The following AKAP11 variants were observed in gnomAD, a reference collection of about 807,000 sequenced individuals.
AKAP11 encodes A-kinase anchoring protein 11, also known as A-kinase anchor protein 11.
In AKAP11, 36 loss-of-function variants were observed where a neutral mutation model predicts 146.1. That is an observed-to-expected ratio of 0.25 (90% CI 0.19 to 0.33). The LOEUF is 0.33. Ranked by LOEUF, AKAP11 falls within the 10% of genes least tolerant of loss-of-function variation. The pLI is 1.00. For synonymous variants in AKAP11, 780 were observed against 786.5 expected (o/e 0.99, Z 0.14); for missense variants, 2,201 against 2,197.0 (o/e 1.00, Z -0.04).
Position 42,301,289 on chromosome 13 carries a change from A to G in AKAP11, c.2543A>G (p.Asn848Ser), listed in dbSNP as rs752699654. ...TCAGAACACAATCCAGGTAATCAGA[A>G]TGATTTTAAACCAACTAATGACGAT... ...LPSEHNPGNQ[N>S]DFKPTNDDIE... Residue 848 changes from asparagine (N) to serine (S), a missense_variant, in exon 8 of 13, where the codon AAT becomes AGT. By Grantham distance (46) the Asn-to-Ser change is conservative (BLOSUM62 1). This residue lies in a region of AKAP11 where 1,867 missense variants were observed against 1,833.5 expected (regional missense o/e 1.02). Transcript: ENST00000025301. 10 of 1,613,750 alleles carry G rather than the reference A, an allele frequency of 6.2e-6. No homozygotes were observed. The Admixed American group carries it at 1.5e-4, about 24-fold the overall frequency.
At chr13:42,305,950 ATC>A (rs1960231567) in intron 8 of AKAP11, among the ~76,000 whole-genome samples, 2 of 152,168 alleles carry the variant, frequency 1.3e-5, no homozygotes, top group Non-Finnish European at 2.9e-5. Flanking sequence ...TTTTAAAACC[ATC>A]AGCTCTCATG....
At chr13:42,293,765 C>T (rs978281711) in intron 4 of AKAP11, among the ~76,000 whole-genome samples, 3 of 152,136 alleles carry the variant, frequency 2.0e-5, no homozygotes, top group Non-Finnish European at 2.9e-5. Context: ...TCTTCAAAAC[C>T]CTATGCCAGC....
chr13:42,311,654 T>A (rs1960571001), intron 9 of AKAP11, among the ~76,000 whole-genome samples: 1 of 152,182 alleles, frequency 6.6e-6, no homozygotes, highest in Admixed American at 6.5e-5. Context: ...TGGAAGAATC[T>A]GTGTGATGGG....
At chr13:42,297,840 A>G (rs1959605049) in intron 6 of AKAP11, among the ~76,000 whole-genome samples, 1 of 151,988 alleles carries the variant, frequency 6.6e-6, no homozygotes, top group African/African-American at 2.4e-5. Flanking sequence ...GTCTGCCAAT[A>G]AAACTAGAAC....
chr13:42,281,873 GTGACC>G (rs1373400784), intron 1 of AKAP11, among the ~76,000 whole-genome samples: 1 of 152,014 alleles, frequency 6.6e-6, no homozygotes, highest in African/African-American at 2.4e-5. Flanking sequence ...ACTTGCATGG[GTGACC>G]ACTGGCATCA....
rs1483004419 is a variant in AKAP11, at chr13:42,303,125, C to G, written c.4379C>G (p.Ser1460Cys). The G allele has an allele frequency of 1.6e-5, 26 of 1,614,024 alleles. No individual in the cohort carries two copies. Among genetic ancestry groups the G allele is most frequent in the Non-Finnish European group, 2.2e-5 (26 of 1,180,042 alleles). The change falls in exon 8 of 13, where the codon TCT (serine) becomes TGT (cysteine). Residue 1460 changes from serine (S) to cysteine (C), a missense_variant. Around this residue, in one of 3 missense-constraint regions of AKAP11, gnomAD observed 1,867 missense variants for 1,833.5 expected, o/e 1.02. Coordinates refer to ENST00000025301, the MANE Select transcript of AKAP11 (RefSeq NM_016248.4). ...TCCCAACTGTATAGTTTTTCAACCTCTCTGGTTCACAGCATAACAAAAGAT... is the reference window on the plus strand; with the variant it reads ...TCCCAACTGTATAGTTTTTCAACCTGTCTGGTTCACAGCATAACAAAAGAT... Reference protein sequence around the residue: ...EVSQLYSFSTSLVHSITKDAK... With the variant: ...EVSQLYSFSTCLVHSITKDAK...
In AKAP11 at chr13:42,319,151, T is replaced by C. The variant is rs112792899; in HGVS notation, c.5629T>C (p.Tyr1877His). The change falls in exon 13 of 13, where the codon TAC (tyrosine) becomes CAC (histidine). Residue 1877 changes from tyrosine (Y) to histidine (H), a missense_variant. Physicochemically the swap from Tyr to His is moderately conservative, Grantham distance 83. Transcript: ENST00000025301. Reference protein sequence around the residue: ...VGDLLQAVLQYYEVMEKASSE... With the variant: ...VGDLLQAVLQHYEVMEKASSE... ...AGACCTCCTGCAGGCTGTGCTTCAA[T>C]ACTATGAAGTGATGGAAAAAGCTTC... The C allele has an allele frequency of 1.9e-6, 3 of 1,614,098 alleles. No individual in the cohort carries two copies. The highest frequency in any genetic ancestry group is 1.3e-5 in the African/African-American group (1 of 75,048).
In AKAP11 at chr13:42,302,497, G is replaced by A; in HGVS notation, c.3751G>A (p.Glu1251Lys). The A allele has an allele frequency of 5.6e-6, 9 of 1,614,086 alleles. No homozygotes were observed. Among genetic ancestry groups the A allele is most frequent in the East Asian group, 2.2e-5 (1 of 44,882 alleles). The part of the protein sequence containing the change: ...VSPTFLNPSD[E>K]NLKTLCNFAG... ...GCCTACTTTTTTAAACCCCTCAGAC[G>A]AAAATTTGAAAACATTATGCAATTT... Residue 1251 changes from glutamate to lysine, a missense_variant, in exon 8 of 13, where the codon GAA becomes AAA. Glu to Lys is a moderately conservative substitution (Grantham distance 56). Around this residue, in one of 3 missense-constraint regions of AKAP11, gnomAD observed 1,867 missense variants for 1,833.5 expected, o/e 1.02. Coordinates refer to ENST00000025301, the MANE Select transcript of AKAP11 (RefSeq NM_016248.4).
chr13:42,298,860 T>C (rs1281222684), intron 7 of AKAP11, 63 bp downstream of exon 7: 14 of 1,489,750 alleles, frequency 9.4e-6, no homozygotes, highest in African/African-American at 1.5e-5. Context: ...TTTGAAAATT[T>C]TAAGGCAGGC....
At chr13:42,318,536 C>T (rs888022816) in intron 12 of AKAP11, among the ~76,000 whole-genome samples, 1 of 152,112 alleles carries the variant, frequency 6.6e-6, no homozygotes, top group African/African-American at 2.4e-5. Context: ...TGAGTGGTGA[C>T]AACAGGATTT....
rs769245801 is a variant in AKAP11, at chr13:42,299,522, A to G, written c.776A>G (p.Lys259Arg). The G allele has an allele frequency of 1.9e-6, 3 of 1,613,890 alleles. No homozygotes were observed. The highest frequency in any genetic ancestry group is 2.7e-5 in the African/African-American group (2 of 74,902). Residue 259 changes from lysine (K) to arginine (R), a missense_variant, in exon 8 of 13, where the codon AAA becomes AGA. Physicochemically the swap from Lys to Arg is conservative, Grantham distance 26. Transcript: ENST00000025301. The part of the protein sequence containing the change: ...STSSVNVLGH[K>R]ELPSVKTSVT... ...TCCTCAGTGAATGTCCTGGGACATA[A>G]AGAACTACCTTCTGTGAAAACTTCA...
chr13:42,308,721 T>C, intron 9 of AKAP11, 112 bp downstream of exon 9: 1 of 827,842 alleles, frequency 1.2e-6, no homozygotes, highest in South Asian at 2.9e-5. Flanking sequence ...TGCTATTACT[T>C]TCAAAATGTA....
intron 1 of AKAP11, among the ~76,000 whole-genome samples, chr13:42,283,789 A>T (rs1959110321): frequency 6.6e-6 from 1 of 152,170 alleles, no homozygotes; most frequent in African/African-American, 2.4e-5. Flanking sequence ...CTTCCCTTTT[A>T]GGCAAGGTTA....
chr13:42,284,236 T>C (rs185888535), intron 1 of AKAP11, among the ~76,000 whole-genome samples: 1 of 152,344 alleles, frequency 6.6e-6, no homozygotes, highest in East Asian at 1.9e-4. Flanking sequence ...AACTAGATGC[T>C]CTAGGATCAT....
chr13:42,304,058 A>T (rs564712473), intron 8 of AKAP11, among the ~76,000 whole-genome samples, 195 bp downstream of exon 8: 34 of 152,252 alleles, frequency 2.2e-4, no homozygotes, highest in Non-Finnish European at 4.9e-4. Flanking sequence ...ATCCCTTTTG[A>T]GGGAAGGTGT....
Position 42,298,663 on chromosome 13 carries a change from A to C in AKAP11, c.482A>C (p.His161Pro), listed in dbSNP as rs754391797. The C allele has an allele frequency of 1.2e-6, 2 of 1,612,304 alleles. No homozygotes were observed. The highest frequency in any genetic ancestry group is 3.4e-5 in the Admixed American group (2 of 59,448). The change falls in exon 7 of 13, where the codon CAT becomes CCT. Residue 161 changes from histidine to proline, a missense_variant. Physicochemically the swap from His to Pro is moderately conservative, Grantham distance 77 (BLOSUM62 -2). Coordinates refer to ENST00000025301, the MANE Select transcript of AKAP11 (RefSeq NM_016248.4). ...GIRYTLDTFL[H>P]QKHQLETTDE... ...AGGTACACCTTGGACACATTCTTGCATCAGAAGCACCAACTTGAGACCACT... is the reference window on the plus strand; with the variant it reads ...AGGTACACCTTGGACACATTCTTGCCTCAGAAGCACCAACTTGAGACCACT...
At chr13:42,288,409 G>C (rs1309673043) in intron 3 of AKAP11, among the ~76,000 whole-genome samples, 2 of 152,166 alleles carry the variant, frequency 1.3e-5, no homozygotes, top group Non-Finnish European at 1.5e-5. Flanking sequence ...CTTTGTGTCT[G>C]TGTATGTGTG....
intron 1 of AKAP11, among the ~76,000 whole-genome samples, chr13:42,284,121 C>T (rs965936060): frequency 6.6e-6 from 1 of 152,166 alleles, no homozygotes; most frequent in Non-Finnish European, 1.5e-5. Context: ...TTTTTCTCAT[C>T]GTCAAACCGG....
chr13:42,295,614 T>A, intron 4 of AKAP11, 81 bp from the exon 5 acceptor site: 1 of 1,332,208 alleles, frequency 7.5e-7, no homozygotes, highest in Non-Finnish European at 1.1e-6. Context: ...TTTGTCTGTT[T>A]TTTCCTGTTT....
Sources: gnomAD v4.1 joint callset for allele counts (sites outside exome capture counted in the v4.1 genomes callset) on GRCh38, gnomAD v4.1.1 for gene constraint, gnomAD v4.1.1 regional missense constraint, MANE v1.5 for transcripts, NCBI Gene and HGNC (gene_info 2026-07-23, HGNC 2026-07-21) for gene names.